Variants in DPYSL5 observed in about 807,000 individuals in gnomAD.
DPYSL5 encodes the protein dihydropyrimidinase like 5, also known as dihydropyrimidinase-related protein 5.
Under a neutral mutation model 58.4 loss-of-function variants are expected in DPYSL5, and 9 were observed. The ratio of observed to expected loss-of-function variants is 0.15; its 90% confidence interval spans 0.09 to 0.27. DPYSL5 has a LOEUF of 0.27. DPYSL5 is among the 10% of genes least tolerant of loss of function. DPYSL5 has a pLI of 1.00. For missense variants in DPYSL5, 499 were observed against 770.6 expected, an observed-to-expected ratio of 0.65 and a Z score of 4.17; for synonymous variants, 293 against 301.9, an observed-to-expected ratio of 0.97 and a Z score of 0.31.
At chr2:26,946,296 CCCT>C (rs1251317856) in intron 12 of DPYSL5, among the ~76,000 whole-genome samples, 1 of 152,156 alleles carries the variant, frequency 6.6e-6, no homozygotes, top group East Asian at 1.9e-4. Flanking sequence ...GCAGCCTGTC[CCCT>C]CCTCTCTACC....
intron 11 of DPYSL5, among the ~76,000 whole-genome samples, chr2:26,943,919 G>T (rs567793052): frequency 6.6e-6 from 1 of 152,346 alleles, no homozygotes; most frequent in African/African-American, 2.4e-5. Context: ...CCTCAGAGTT[G>T]TCAGACCAGT....
intron 5 of DPYSL5, among the ~76,000 whole-genome samples, chr2:26,931,201 GTGTATATATA>G (rs1231003231): frequency 7.3e-5 from 4 of 54,546 alleles, no homozygotes; most frequent in Admixed American, 1.7e-4. Flanking sequence ...GTGTGTGTGT[GTGTATATATA>G]TATATATATA....
intron 2 of DPYSL5, among the ~76,000 whole-genome samples, chr2:26,921,230 G>A (rs1025085486): frequency 8.5e-5 from 13 of 152,198 alleles, no homozygotes; most frequent in African/African-American, 2.2e-4. Flanking sequence ...TCGGCCTGGC[G>A]TGGTGGCTCA....
At chr2:26,888,407 A>G (rs945622437) in intron 1 of DPYSL5, among the ~76,000 whole-genome samples, 3 of 152,010 alleles carry the variant, frequency 2.0e-5, no homozygotes, top group Admixed American at 6.6e-5. Flanking sequence ...AGTAGCTGGG[A>G]TTACAGGTGC....
intron 1 of DPYSL5, among the ~76,000 whole-genome samples, chr2:26,873,797 G>A (rs888920646): frequency 1.3e-5 from 2 of 152,172 alleles, no homozygotes; most frequent in African/African-American, 2.4e-5. Context: ...CACTGGTGAG[G>A]GGTGGATCTT....
intron 1 of DPYSL5, among the ~76,000 whole-genome samples, chr2:26,893,808 C>T (rs1357087442): frequency 6.6e-6 from 1 of 152,046 alleles, no homozygotes; most frequent in Non-Finnish European, 1.5e-5. Context: ...GAAAACTTTT[C>T]AGAAGAGGGG....
chr2:26,935,691 CA>C (rs60367850), intron 8 of DPYSL5, among the ~76,000 whole-genome samples: 24,612 of 122,358 alleles, frequency 0.2, 2,411 homozygotes, highest in Admixed American at 0.34. Context: ...GACTCCATCT[CA>C]AAAAAAAAAA....
chr2:26,937,263 T>A (rs1303697986), intron 8 of DPYSL5, among the ~76,000 whole-genome samples: 1 of 152,174 alleles, frequency 6.6e-6, no homozygotes, highest in Non-Finnish European at 1.5e-5. Context: ...TTTAAATTAA[T>A]TCTATTTATT....
At chr2:26,939,925 C>T (rs1365805492) in intron 8 of DPYSL5, 106 bp from the exon 9 acceptor site, 6 of 1,476,570 alleles carry the variant, frequency 4.1e-6, no homozygotes, top group Admixed American at 1.8e-5. Context: ...AAATTGGAGT[C>T]GGCTTTGCCT....
At chr2:26,940,385 T>C (rs1165785942) in intron 9 of DPYSL5, among the ~76,000 whole-genome samples, 1 of 152,064 alleles carries the variant, frequency 6.6e-6, no homozygotes, top group Non-Finnish European at 1.5e-5. Context: ...TTATGGAAAT[T>C]TGGAAAATAC....
At chr2:26,932,092 AG>A (rs755386364) in intron 6 of DPYSL5, among the ~76,000 whole-genome samples, 15,675 of 84,838 alleles carry the variant, frequency 0.18, 3,026 homozygotes, top group South Asian at 0.23. Flanking sequence ...AAAAGAAAAA[AG>A]AAAGAGAAAG....
chr2:26,865,808 T>C (rs1666125751), intron 1 of DPYSL5, among the ~76,000 whole-genome samples: 1 of 152,204 alleles, frequency 6.6e-6, no homozygotes, highest in African/African-American at 2.4e-5. Flanking sequence ...AATTGGGACA[T>C]TTACAGAGAC....
chr2:26,862,581 A>G (rs1383880953), intron 1 of DPYSL5, among the ~76,000 whole-genome samples: 8 of 152,006 alleles, frequency 5.3e-5, no homozygotes, highest in African/African-American at 1.7e-4. Context: ...AAGCCATTGC[A>G]TGTTTGTTGA....
At chr2:26,940,405 T>C (rs1363682234) in intron 9 of DPYSL5, among the ~76,000 whole-genome samples, 4 of 147,202 alleles carry the variant, frequency 2.7e-5, no homozygotes, top group Admixed American at 2.7e-4. Flanking sequence ...CAGAAAAGTA[T>C]AAGAAAAAAA....
intron 5 of DPYSL5, among the ~76,000 whole-genome samples, chr2:26,929,104 T>C (rs1664907127): frequency 6.6e-6 from 1 of 152,100 alleles, no homozygotes; most frequent in Non-Finnish European, 1.5e-5. Context: ...TGATCAGTGG[T>C]GGCCTTAGAT....
chr2:26,908,242 C>T (rs1488528862), intron 2 of DPYSL5, among the ~76,000 whole-genome samples: 1 of 152,184 alleles, frequency 6.6e-6, no homozygotes, highest in Non-Finnish European at 1.5e-5. Flanking sequence ...CAAATAGGAA[C>T]TGAAAGAACT....
At chr2:26,858,938 T>C (rs1029133897) in intron 1 of DPYSL5, among the ~76,000 whole-genome samples, 1 of 152,170 alleles carries the variant, frequency 6.6e-6, no homozygotes, top group Non-Finnish European at 1.5e-5. Context: ...AAACCACCCA[T>C]AGACAATTTT....
chr2:26,878,040 G>A (rs1383255507), intron 1 of DPYSL5, among the ~76,000 whole-genome samples: 1 of 152,192 alleles, frequency 6.6e-6, no homozygotes, highest in African/African-American at 2.4e-5. Flanking sequence ...TTCCTTAGGA[G>A]GAATTCTTAG....
At chr2:26,906,164 T>C (rs2148143152) in intron 2 of DPYSL5, among the ~76,000 whole-genome samples, 1 of 150,128 alleles carries the variant, frequency 6.7e-6, no homozygotes, top group African/African-American at 2.4e-5. Flanking sequence ...AGAATCTCTT[T>C]CACCAAGAAA....
Sources: allele counts gnomAD v4.1 joint callset (sites outside exome capture counted in the v4.1 genomes callset), GRCh38; gene constraint gnomAD v4.1.1; transcripts MANE v1.5; gene names NCBI Gene and HGNC (gene_info 2026-07-23, HGNC 2026-07-21).